The following STK38 variants were observed in gnomAD, a reference collection of about 807,000 sequenced individuals.
STK38 encodes serine/threonine kinase 38.
STK38 carries 26 observed loss-of-function variants against 59.0 expected under a neutral mutation model. That is an observed-to-expected ratio of 0.44 (90% CI 0.32 to 0.61). The LOEUF (loss-of-function observed/expected upper bound fraction) is 0.61, where lower values mean the gene tolerates loss of function less well. Among genes scored for constraint, STK38 ranks in the 20% least tolerant of loss-of-function variants. The pLI, the probability that STK38 is intolerant of heterozygous loss-of-function variation, is 0.04. For synonymous variants in STK38, 175 were observed against 176.6 expected (o/e 0.99, Z 0.07); for missense variants, 433 against 566.0 (o/e 0.76, Z 2.38).
intron 9 of STK38, among the ~76,000 whole-genome samples, chr6:36,501,165 ACT>A (rs1776828606): frequency 6.6e-6 from 1 of 151,754 alleles, no homozygotes. Context: ...TCTTGCCCAG[ACT>A]GGTCTTTAAC....
intron 2 of STK38, among the ~76,000 whole-genome samples, chr6:36,532,061 T>C (rs1253480181): frequency 2.6e-5 from 4 of 152,202 alleles, no homozygotes; most frequent in African/African-American, 9.7e-5. Flanking sequence ...CTCCATCATA[T>C]ATTATCTCTT....
At chr6:36,497,673 G>T in intron 12 of STK38, 107 bp downstream of exon 12, 1 of 850,472 alleles carries the variant, frequency 1.2e-6, no homozygotes, top group Non-Finnish European at 1.9e-6. Context: ...AAATCTCTAA[G>T]AAGCTCTCTT....
chr6:36,535,408 C>T (rs914257742), intron 2 of STK38, among the ~76,000 whole-genome samples: 3 of 143,946 alleles, frequency 2.1e-5, no homozygotes, highest in South Asian at 2.2e-4. Flanking sequence ...GAGATCACAC[C>T]GTTGCACTCC....
chr6:36,496,174 G>T (rs62402195), intron 13 of STK38, among the ~76,000 whole-genome samples: 2,859 of 151,444 alleles, frequency 0.019, 37 homozygotes, highest in Non-Finnish European at 0.027. Context: ...CTCCCCAGTA[G>T]CTGGGACTAC....
chr6:36,497,161 G>A (rs906396365), intron 12 of STK38, among the ~76,000 whole-genome samples: 2 of 152,104 alleles, frequency 1.3e-5, no homozygotes, highest in Middle Eastern at 3.4e-3. Context: ...TTCCACTGGA[G>A]GTGCCAAGTA....
intron 2 of STK38, among the ~76,000 whole-genome samples, chr6:36,528,710 G>A (rs1278709899): frequency 6.6e-6 from 1 of 152,212 alleles, no homozygotes; most frequent in African/African-American, 2.4e-5. Flanking sequence ...AGCATAACAT[G>A]CTAGGCAAAA....
chr6:36,502,160 A>G lies in STK38; in HGVS notation c.835-2170T>C, dbSNP rs1186366455. Reference sequence around the variant, plus strand: ...TGGGATCTCTTTTTTTTTCTTTTTAAGAGATGGGGTCTTGCTCTGTCACCC... The same window carrying G: ...TGGGATCTCTTTTTTTTTCTTTTTAGGAGATGGGGTCTTGCTCTGTCACCC... On this transcript the variant is annotated intron_variant, in intron 9 of 13. Transcript: ENST00000229812. Among the ~76,000 whole-genome samples the G allele has an allele frequency of 2.0e-5, 3 of 151,658 alleles. No individual in the cohort carries two copies. In the East Asian group the frequency reaches 5.8e-4, roughly 29 times the overall value.
chr6:36,495,819 C>T lies in STK38; in HGVS notation c.1363G>A (p.Gly455Arg), dbSNP rs202246450. The change falls in exon 14 of 14, where the codon GGG becomes AGG. Residue 455 changes from glycine to arginine, a missense_variant. By Grantham distance (125) the Gly-to-Arg change is moderately radical (BLOSUM62 -2). Coordinates refer to ENST00000229812, the MANE Select transcript of STK38 (RefSeq NM_007271.4). ...YKRFEGLTAR[G>R]AIPSYMKAAK ...GCTTTCATGTAGGAAGGTATTGCCC[C>T]CCTTGCAGTCAGGCCCTCAAAGCGC... is the stretch of plus-strand genomic sequence containing the variant. The T allele has an allele frequency of 4.8e-5, 77 of 1,613,940 alleles. No individual in the cohort carries two copies. Among genetic ancestry groups the T allele is most frequent in the Non-Finnish European group, 1.6e-5 (19 of 1,179,980 alleles).
At chr6:36,513,459 C>T (rs745543256) in intron 7 of STK38, among the ~76,000 whole-genome samples, 6 of 151,466 alleles carry the variant, frequency 4.0e-5, no homozygotes, top group Non-Finnish European at 5.9e-5. Context: ...GGACTACAGG[C>T]ACACTCCACC....
chr6:36,527,331 CACACACAT>C, intron 2 of STK38, among the ~76,000 whole-genome samples: 1 of 121,080 alleles, frequency 8.3e-6, no homozygotes, highest in African/African-American at 3.3e-5. Flanking sequence ...CATATATATA[CACACACAT>C]ATATGTAATA....
At position 36,543,952 on chromosome 6, in the gene STK38, T is replaced by C. The variant is rs555523916; in HGVS notation, c.-6+3238A>G. On this transcript the variant is annotated intron_variant, in intron 1 of 13. Coordinates refer to ENST00000229812, the MANE Select transcript of STK38 (RefSeq NM_007271.4). ...CCCAGCCAAGGACCATTTTCAAAGA[T>C]AGTGCATTTTAAGAAAAGTTTTCAG... Among the ~76,000 whole-genome samples the C allele has an allele frequency of 2.7e-4, 41 of 152,336 alleles. No individual in the cohort carries two copies. In the South Asian group the frequency reaches 7.5e-3, roughly 28 times the overall value.
intron 4 of STK38, 95 bp from the exon 5 acceptor site, chr6:36,521,912 A>G: frequency 3.9e-6 from 4 of 1,013,786 alleles, no homozygotes; most frequent in Admixed American, 2.5e-5. Context: ...CTGAAAAAGT[A>G]TTACAATTTT....
chr6:36,546,677 G>A (rs926232711), intron 1 of STK38, among the ~76,000 whole-genome samples: 1 of 152,136 alleles, frequency 6.6e-6, no homozygotes, highest in Non-Finnish European at 1.5e-5. Context: ...AATTTTCCCT[G>A]CCTTTTCCTG....
chr6:36,513,991 T>C (rs980701353), intron 7 of STK38, among the ~76,000 whole-genome samples: 2 of 149,130 alleles, frequency 1.3e-5, no homozygotes, highest in Admixed American at 1.3e-4. Flanking sequence ...CCGTCTCTAC[T>C]AAAAATACAA....
chr6:36,527,207 A>AAATATATATATATATAT lies in STK38; in HGVS notation c.132-1566_132-1565insATATATATATATATATT, dbSNP rs60162863. Among the ~76,000 whole-genome samples, 6 of 119,354 alleles carry AAATATATATATATATAT rather than the reference A, an allele frequency of 5.0e-5. No individual in the cohort carries two copies. In the Admixed American group the frequency reaches 6.2e-4, roughly 12 times the overall value. The allele number at this position is 119,354 out of a possible 152,430, so 78.3% of individuals were successfully genotyped here. A position where few individuals can be genotyped will look rare whatever the true frequency, so the allele number is the denominator to read the frequency against. On this transcript the variant is annotated intron_variant, in intron 2 of 13. Transcript: ENST00000229812. The stretch of plus-strand genomic sequence containing the variant: ...ACTCCGTCTCAAAAAAAAAAAAAAA[A>AAATATATATATATATAT]ATATATGTATATATATATATATTTA...
chr6:36,495,982 A>C, intron 13 of STK38, 68 bp from the exon 14 acceptor site: 3 of 1,578,676 alleles, frequency 1.9e-6, no homozygotes, highest in Non-Finnish European at 2.6e-6. Context: ...ACGGTGCTGA[A>C]GACAGGACTA....
In STK38 at chr6:36,496,818, C is replaced by G. The variant is rs1267318056; in HGVS notation, c.1173-13G>C. The G allele has an allele frequency of 6.3e-7, 1 of 1,590,952 alleles. No homozygotes were observed. The highest frequency in any genetic ancestry group is 8.6e-7 in the Non-Finnish European group (1 of 1,161,998). On this transcript the variant is annotated splice_polypyrimidine_tract_variant and intron_variant, in intron 12 of 13. Transcript: ENST00000229812. ...AGCAGGTCTCTCTCTGCCAAGAATA[C>G]ACATGCCAAAAATTACTAAGTTAGT...
chr6:36,545,581 T>C (rs188331653), intron 1 of STK38, among the ~76,000 whole-genome samples: 1 of 152,166 alleles, frequency 6.6e-6, no homozygotes, highest in African/African-American at 2.4e-5. Flanking sequence ...ATATAAAAAA[T>C]TTAGCCTAAT....
chr6:36,541,285 T>C (rs1777931076), intron 1 of STK38, among the ~76,000 whole-genome samples: 1 of 152,118 alleles, frequency 6.6e-6, no homozygotes, highest in Non-Finnish European at 1.5e-5. Flanking sequence ...TATAGATAAA[T>C]TAAGAATATA....
Sources: allele counts gnomAD v4.1 joint callset (sites outside exome capture counted in the v4.1 genomes callset), GRCh38; gene constraint gnomAD v4.1.1; transcripts MANE v1.5; gene names NCBI Gene and HGNC (gene_info 2026-07-23, HGNC 2026-07-21).